LMO7: variants seen among roughly 807,000 people sequenced by gnomAD.
LMO7 encodes the protein LIM domain 7.
In LMO7, 120 loss-of-function variants were observed where a neutral mutation model predicts 206.5. The ratio of observed to expected loss-of-function variants is 0.58; its 90% confidence interval spans 0.50 to 0.68. The LOEUF (loss-of-function observed/expected upper bound fraction) is 0.68. Ranked by LOEUF, LMO7 falls within the 30% of genes least tolerant of loss-of-function variation. The pLI is 0.00. For synonymous variants in LMO7, 706 were observed against 681.5 expected (o/e 1.04, Z -0.56); for missense variants, 1,959 against 1,957.9 (o/e 1.00, Z -0.01).
chr13:75,696,640 G>A (rs1322480775), intron 1 of LMO7, among the ~76,000 whole-genome samples: 2 of 152,092 alleles, frequency 1.3e-5, no homozygotes, highest in African/African-American at 4.8e-5. Flanking sequence ...ATTTGAATCA[G>A]GATTCCTTAG....
chr13:75,636,844 C>T, intron 1 of LMO7, 118 bp downstream of exon 1: 2 of 978,848 alleles, frequency 2.0e-6, no homozygotes, highest in Non-Finnish European at 3.1e-6. Flanking sequence ...ACCCAGCCGA[C>T]GTGAACAAGC....
intron 4 of LMO7, among the ~76,000 whole-genome samples, chr13:75,777,647 G>GTT (rs3036339): frequency 0.15 from 20,238 of 132,010 alleles, 1,954 homozygotes; most frequent in South Asian, 0.21. Context: ...TTCTTTTCTT[G>GTT]TTTTTTTTTT....
At position 75,842,833 on chromosome 13, in the gene LMO7, T is replaced by C. The variant is rs1184135872; in HGVS notation, c.4032-18T>C. Reference sequence around the variant, plus strand: ...AAAGTCTAATATTTTGACAACAAAATCTTTTTCTATCTTTTAGGCCTGTTG... The same window carrying C: ...AAAGTCTAATATTTTGACAACAAAACCTTTTTCTATCTTTTAGGCCTGTTG... On this transcript the variant is annotated intron_variant, in intron 24 of 30. Transcript: ENST00000377534. 4 of 1,535,780 alleles carry C rather than the reference T, an allele frequency of 2.6e-6. No homozygotes were observed. The Admixed American group carries it at 6.8e-5, about 26-fold the overall frequency.
chr13:75,827,219 G>A (rs2058201433), intron 15 of LMO7, among the ~76,000 whole-genome samples: 1 of 152,176 alleles, frequency 6.6e-6, no homozygotes, highest in African/African-American at 2.4e-5. Flanking sequence ...GCTGAAGTAT[G>A]AACTTGATCT....
In LMO7 at chr13:75,685,023, C is replaced by A. The variant is rs560261980; in HGVS notation, c.70-28159C>A. The stretch of plus-strand genomic sequence containing the variant: ...TTGGGTTAACTCTGGTGAATTCCGC[C>A]TATCTTTAGCTATTCAGTAAATTAT... On this transcript the variant is annotated intron_variant, in intron 1 of 30. Coordinates refer to ENST00000377534, the MANE Select transcript of LMO7 (RefSeq NM_001306080.2). 2.6e-4 allele frequency among the ~76,000 whole-genome samples: 40 copies of A among 152,240 alleles called. 1 individual carries two copies. The South Asian group carries it at 7.9e-3, about 30-fold the overall frequency.
At chr13:75,838,445 T>TTA in intron 20 of LMO7, 2 of 684,902 alleles carry the variant, frequency 2.9e-6, no homozygotes, top group Admixed American at 4.0e-5. Context: ...TTTTTTTTTT[T>TTA]AACTTTGTAA....
chr13:75,726,726 C>T (rs1431889471), intron 2 of LMO7, among the ~76,000 whole-genome samples: 2 of 152,066 alleles, frequency 1.3e-5, no homozygotes, highest in Non-Finnish European at 2.9e-5. Flanking sequence ...GCAGTTGAAG[C>T]AGAACGAAAT....
chr13:75,808,079 G>C lies in LMO7; in HGVS notation c.1796G>C (p.Gly599Ala), dbSNP rs2055781852. The C allele has an allele frequency of 6.2e-7, 1 of 1,613,932 alleles. No individual in the cohort carries two copies. The highest frequency in any genetic ancestry group is 1.3e-5 in the African/African-American group (1 of 75,036). The change falls in exon 10 of 31, where the codon GGA (glycine) becomes GCA (alanine). Residue 599 changes from glycine (G) to alanine (A), a missense_variant. Coordinates refer to ENST00000377534, the MANE Select transcript of LMO7 (RefSeq NM_001306080.2). ...CGTAAGATTCAGTCCTGGAAACTGG[G>C]AACTACCGTGCCTCCCATCAGTTTC... is the stretch of plus-strand genomic sequence containing the variant. ...LTRKIQSWKL[G>A]TTVPPISFTP...
chr13:75,659,046 C>T (rs1317221503), intron 1 of LMO7, among the ~76,000 whole-genome samples: 1 of 108,982 alleles, frequency 9.2e-6, no homozygotes, highest in African/African-American at 3.2e-5. Flanking sequence ...TCTTTCCTTC[C>T]ACTCATTATT....
rs150612119 is a variant in LMO7 at position 75,719,048 on chromosome 13, C to T, written c.140+5796C>T. On this transcript the variant is annotated intron_variant, in intron 2 of 30. Coordinates refer to ENST00000377534, the MANE Select transcript of LMO7 (RefSeq NM_001306080.2). ...AGGCTGGAGTGCAATGGCGCGATCT[C>T]GGCTTACTGCAACCTCCGTCTCCTG... 8.6e-4 allele frequency among the ~76,000 whole-genome samples: 129 copies of T among 150,670 alleles called. 2 individuals are homozygous for T. The East Asian group carries it at 0.023, about 27-fold the overall frequency.
At chr13:75,782,040 T>C (rs2051554426) in intron 4 of LMO7, among the ~76,000 whole-genome samples, 1 of 152,230 alleles carries the variant, frequency 6.6e-6, no homozygotes, top group South Asian at 2.1e-4. Flanking sequence ...CTTTGTCAGA[T>C]GAGTAGGTTG....
At position 75,819,438 on chromosome 13, in the gene LMO7, C is replaced by T. The variant is rs1489868796; in HGVS notation, c.2110C>T (p.Leu704=). ...TCGTCGAAAAAGTTACACTTCAGATCTGCAGAAGAAAAAAGAAGAGAGAGA... is the reference window on the plus strand; with the variant it reads ...TCGTCGAAAAAGTTACACTTCAGATTTGCAGAAGAAAAAAGAAGAGAGAGA... The part of the protein sequence containing the change: ...KDRRKSYTSD[L]QKKKEEREEI... The change falls in exon 13 of 31, where the codon CTG becomes TTG. Residue 704 remains leucine, a synonymous_variant. Coordinates refer to ENST00000377534, the MANE Select transcript of LMO7 (RefSeq NM_001306080.2). The T allele has an allele frequency of 1.2e-6, 2 of 1,612,616 alleles. No individual in the cohort carries two copies. The highest frequency in any genetic ancestry group is 2.2e-5 in the East Asian group (1 of 44,820).
intron 15 of LMO7, among the ~76,000 whole-genome samples, chr13:75,828,872 A>G (rs2058377345): frequency 6.6e-6 from 1 of 152,130 alleles, no homozygotes. Context: ...GCAAGTGTGT[A>G]GGGTGGAGAG....
rs371085979 is a variant in LMO7, at chr13:75,808,027, C to T, written c.1744C>T (p.Arg582Trp). 1.8e-4 allele frequency: 284 copies of T among 1,613,856 alleles called. No individual in the cohort carries two copies. Among genetic ancestry groups the T allele is most frequent in the Non-Finnish European group, 2.3e-4 (266 of 1,179,828 alleles). Reference sequence around the variant, plus strand: ...CTGTAGAATATTAGTTCCTTCATATCGGCAGAAGAAAGATGACATGCTGAC... The same window carrying T: ...CTGTAGAATATTAGTTCCTTCATATTGGCAGAAGAAAGATGACATGCTGAC... ...NSCRILVPSY[R>W]QKKDDMLTRK... Residue 582 changes from arginine to tryptophan, a missense_variant, in exon 10 of 31, where the codon CGG (arginine) becomes TGG (tryptophan). Coordinates refer to ENST00000377534, the MANE Select transcript of LMO7 (RefSeq NM_001306080.2).
chr13:75,663,432 C>CTTTCTTTTTT (rs1555289857), intron 1 of LMO7, among the ~76,000 whole-genome samples: 17 of 111,396 alleles, frequency 1.5e-4, no homozygotes, highest in African/African-American at 4.9e-4. Flanking sequence ...TTCTTTCTTT[C>CTTTCTTTTTT]TTTTTTTTTT....
At chr13:75,820,977 G>A (rs921977344) in intron 13 of LMO7, among the ~76,000 whole-genome samples, 200 bp from the exon 14 acceptor site, 11 of 147,396 alleles carry the variant, frequency 7.5e-5, no homozygotes, top group Non-Finnish European at 1.2e-4. Context: ...CAGCCTGGAC[G>A]ACAGAGCGAG....
At chr13:75,645,316 A>G (rs2036912335) in intron 1 of LMO7, among the ~76,000 whole-genome samples, 1 of 152,152 alleles carries the variant, frequency 6.6e-6, no homozygotes, top group Non-Finnish European at 1.5e-5. Context: ...TTGAAATTTG[A>G]TCTAGATGTG....
chr13:75,709,369 CCA>C (rs1195248518), intron 1 of LMO7, among the ~76,000 whole-genome samples: 4 of 152,306 alleles, frequency 2.6e-5, no homozygotes, highest in Non-Finnish European at 5.9e-5. Flanking sequence ...TGAGGAATCA[CCA>C]CACTGACTTC....
intron 5 of LMO7, among the ~76,000 whole-genome samples, 177 bp downstream of exon 5, chr13:75,795,608 G>A (rs900087843): frequency 5.9e-5 from 9 of 152,272 alleles, no homozygotes; most frequent in Admixed American, 5.9e-4. Context: ...TATATGGTTA[G>A]GCTGTTCAGC....
Sources: gnomAD v4.1 joint callset for allele counts (sites outside exome capture counted in the v4.1 genomes callset) on GRCh38, gnomAD v4.1.1 for gene constraint, MANE v1.5 for transcripts, NCBI Gene and HGNC (gene_info 2026-07-23, HGNC 2026-07-21) for gene names.